The following CAMTA1 variants were observed in gnomAD, a reference collection of about 807,000 sequenced individuals.
CAMTA1 encodes calmodulin binding transcription activator 1, also known as calmodulin-binding transcription activator 1.
Under a neutral mutation model 170.9 loss-of-function variants are expected in CAMTA1, and 27 were observed. The ratio of observed to expected loss-of-function variants is 0.16; its 90% CI spans 0.12 to 0.22. CAMTA1 has a LOEUF of 0.22. CAMTA1 is among the 10% of genes least tolerant of loss of function. The pLI is 1.00. For missense variants in CAMTA1, 1,619 were observed against 2,217.2 expected, an observed-to-expected ratio of 0.73 and a Z score of 5.42; for synonymous variants, 833 against 891.5, an observed-to-expected ratio of 0.93 and a Z score of 1.17.
chr1:6,948,377 C>A (rs922426021), intron 3 of CAMTA1, among the ~76,000 whole-genome samples: 3 of 152,190 alleles, frequency 2.0e-5, no homozygotes, highest in African/African-American at 7.2e-5. Flanking sequence ...TCTCTGTGTA[C>A]CGGCTGCTTC....
intron 5 of CAMTA1, among the ~76,000 whole-genome samples, chr1:7,305,111 A>G (rs1675384797): frequency 6.6e-6 from 1 of 152,026 alleles, no homozygotes; most frequent in Non-Finnish European, 1.5e-5. Flanking sequence ...TGAATCATCT[A>G]CCTTTTTTTC....
intron 5 of CAMTA1, among the ~76,000 whole-genome samples, chr1:7,381,252 CACTA>C (rs1301020710): frequency 6.6e-6 from 1 of 151,070 alleles, no homozygotes; most frequent in Non-Finnish European, 1.5e-5. Context: ...GTGCTGCACC[CACTA>C]ACTCGTCATC....
intron 3 of CAMTA1, among the ~76,000 whole-genome samples, chr1:6,993,343 A>G (rs1277939121): frequency 6.6e-6 from 1 of 152,180 alleles, no homozygotes; most frequent in East Asian, 1.9e-4. Context: ...TAAAGGTGGT[A>G]TATCTCTTAT....
chr1:7,581,944 A>G (rs112486157), intron 6 of CAMTA1, among the ~76,000 whole-genome samples: 2,228 of 152,356 alleles, frequency 0.015, 59 homozygotes, highest in African/African-American at 0.052. Flanking sequence ...ACAAAGCTGC[A>G]CAGCCCACAA....
intron 4 of CAMTA1, among the ~76,000 whole-genome samples, chr1:7,178,195 A>G (rs987683333): frequency 3.5e-4 from 53 of 152,322 alleles, no homozygotes; most frequent in Admixed American, 8.5e-4. Flanking sequence ...CTCTGTGCTC[A>G]GGGCTGCCAG....
chr1:6,884,473 A>G (rs1308463181), intron 3 of CAMTA1, among the ~76,000 whole-genome samples: 1 of 152,182 alleles, frequency 6.6e-6, no homozygotes, highest in Non-Finnish European at 1.5e-5. Context: ...TCAGCAGCAT[A>G]CATGTTACTT....
intron 6 of CAMTA1, among the ~76,000 whole-genome samples, chr1:7,512,610 G>A (rs966835758): frequency 2.4e-4 from 36 of 152,350 alleles, no homozygotes; most frequent in African/African-American, 6.7e-4. Context: ...CGGGAGGGCC[G>A]TTGGCCATGC....
Position 7,109,678 on chromosome 1 carries a change from T to G in CAMTA1, c.302+18307T>G, listed in dbSNP as rs757159002. 2.6e-4 allele frequency among the ~76,000 whole-genome samples: 39 copies of G among 152,338 alleles called. 1 individual carries two copies. The highest frequency in any genetic ancestry group is 3.4e-3 in the Middle Eastern group (1 of 292). On this transcript the variant is annotated intron_variant, in intron 4 of 22. Transcript: ENST00000303635. ...AATCTGCAAAGAGACATTCTGTGCT[T>G]ATGGCTCCACAGACCACCGATCAAG...
At chr1:7,055,966 G>A (rs932529577) in intron 3 of CAMTA1, among the ~76,000 whole-genome samples, 1 of 152,080 alleles carries the variant, frequency 6.6e-6, no homozygotes, top group Admixed American at 6.5e-5. Flanking sequence ...CCCCTCTGGG[G>A]AGTCCTCTGA....
chr1:7,461,538 T>C (rs2093088268), intron 5 of CAMTA1, among the ~76,000 whole-genome samples: 1 of 152,254 alleles, frequency 6.6e-6, no homozygotes, highest in Admixed American at 6.5e-5. Context: ...ACAGCCGCAG[T>C]GACTAGTGGC....
intron 5 of CAMTA1, among the ~76,000 whole-genome samples, chr1:7,254,600 TTA>T (rs1275605096): frequency 6.6e-6 from 1 of 152,192 alleles, no homozygotes; most frequent in Non-Finnish European, 1.5e-5. Context: ...GGTAATGAGG[TTA>T]TGTTTTGAGA....
intron 7 of CAMTA1, among the ~76,000 whole-genome samples, chr1:7,654,808 C>T (rs201338830): frequency 1.1e-4 from 2 of 18,492 alleles, no homozygotes; most frequent in South Asian, 2.1e-3. Context: ...TACACACACC[C>T]ACACACACCA....
chr1:7,575,761 C>T (rs114533151), intron 6 of CAMTA1, among the ~76,000 whole-genome samples: 26 of 152,332 alleles, frequency 1.7e-4, no homozygotes, highest in Non-Finnish European at 3.5e-4. Context: ...TTGTTACTTA[C>T]TTGTCATAGA....
At chr1:7,337,949 TA>T (rs1187922860) in intron 5 of CAMTA1, among the ~76,000 whole-genome samples, 1 of 149,348 alleles carries the variant, frequency 6.7e-6, no homozygotes, top group Non-Finnish European at 1.5e-5. Flanking sequence ...GCCAATTCCT[TA>T]GAAATAAACA....
At chr1:6,873,549 C>T (rs1668994869) in intron 3 of CAMTA1, among the ~76,000 whole-genome samples, 1 of 152,136 alleles carries the variant, frequency 6.6e-6, no homozygotes. Flanking sequence ...GGAATCGGCT[C>T]CCCTGGGGCT....
intron 3 of CAMTA1, among the ~76,000 whole-genome samples, chr1:6,924,959 G>A (rs962163548): frequency 4.6e-5 from 7 of 152,232 alleles, no homozygotes; most frequent in African/African-American, 9.6e-5. Context: ...ATATGGTTGG[G>A]GGGGACTGTG....
At chr1:7,001,702 T>G (rs1698227422) in intron 3 of CAMTA1, among the ~76,000 whole-genome samples, 2 of 152,172 alleles carry the variant, frequency 1.3e-5, no homozygotes, top group South Asian at 4.1e-4. Context: ...AGCCCTTGTT[T>G]ACAGCACTGA....
chr1:7,047,540 C>T (rs1163737945), intron 3 of CAMTA1, among the ~76,000 whole-genome samples: 2 of 152,150 alleles, frequency 1.3e-5, no homozygotes, highest in African/African-American at 4.8e-5. Context: ...TGTCCCCACC[C>T]TTCTTCAGCT....
chr1:7,066,185 C>T (rs1267329786), intron 3 of CAMTA1, among the ~76,000 whole-genome samples: 8 of 152,230 alleles, frequency 5.3e-5, no homozygotes, highest in East Asian at 1.9e-4. Flanking sequence ...CTCTACAAAT[C>T]GTCTCCTTTC....
Sources: gnomAD v4.1 joint callset for allele counts (sites outside exome capture counted in the v4.1 genomes callset) on GRCh38, gnomAD v4.1.1 for gene constraint, MANE v1.5 for transcripts, NCBI Gene and HGNC (gene_info 2026-07-23, HGNC 2026-07-21) for gene names.